Variants in RSPO2 observed in about 807,000 individuals in gnomAD.
RSPO2 encodes R-spondin-2.
In RSPO2, 14 loss-of-function variants were observed where a neutral mutation model predicts 30.9. The observed-to-expected ratio is 0.45, with a 90% confidence interval of 0.30 to 0.71. The LOEUF (loss-of-function observed/expected upper bound fraction) is 0.71, where lower values mean the gene tolerates loss of function less well. RSPO2 is among the 30% of genes least tolerant of loss of function. The probability of loss-of-function intolerance (pLI) is 0.08; values close to 1 mark genes in which losing one functional copy is unlikely to be tolerated. For missense variants in RSPO2, 264 were observed against 301.9 expected (o/e 0.87, Z 0.93); for synonymous variants, 107 against 96.4 (o/e 1.11, Z -0.64).
intron 5 of RSPO2, among the ~76,000 whole-genome samples, chr8:107,903,709 T>C (rs1341595783): frequency 2.0e-5 from 3 of 152,098 alleles, no homozygotes; most frequent in African/African-American, 7.2e-5. Flanking sequence ...TTGGGGGCCC[T>C]AATTACAACC....
intron 5 of RSPO2, among the ~76,000 whole-genome samples, chr8:107,902,390 A>G (rs2130240947): frequency 6.6e-6 from 1 of 152,276 alleles, no homozygotes; most frequent in Admixed American, 6.5e-5. Context: ...CGAATAGGGA[A>G]CAGGACATTC....
chr8:108,018,809 T>C (rs1810971926), intron 2 of RSPO2, among the ~76,000 whole-genome samples: 1 of 152,224 alleles, frequency 6.6e-6, no homozygotes, highest in African/African-American at 2.4e-5. Flanking sequence ...GTACTCCGAA[T>C]TTCATATCTT....
intron 2 of RSPO2, among the ~76,000 whole-genome samples, chr8:108,037,064 T>G (rs1450595487): frequency 1.3e-5 from 2 of 152,182 alleles, no homozygotes; most frequent in Non-Finnish European, 2.9e-5. Flanking sequence ...TACAGTGGCC[T>G]CTAAGTATTC....
intron 5 of RSPO2, among the ~76,000 whole-genome samples, chr8:107,903,028 AATG>A (rs1382094695): frequency 6.6e-6 from 1 of 152,118 alleles, no homozygotes; most frequent in Non-Finnish European, 1.5e-5. Flanking sequence ...CATTATCTCT[AATG>A]ATGAGACACA....
intron 3 of RSPO2, among the ~76,000 whole-genome samples, chr8:107,978,157 G>A (rs929868966): frequency 6.6e-6 from 1 of 152,170 alleles, no homozygotes; most frequent in African/African-American, 2.4e-5. Flanking sequence ...GCTGGGCATG[G>A]TAGCACATGC....
intron 2 of RSPO2, among the ~76,000 whole-genome samples, chr8:108,064,355 G>T (rs552970819): frequency 1.3e-5 from 2 of 152,262 alleles, no homozygotes; most frequent in African/African-American, 4.8e-5. Flanking sequence ...ATCCAAAAGT[G>T]GGCAAAGGAT....
chr8:108,002,199 T>C (rs554199233), intron 2 of RSPO2, among the ~76,000 whole-genome samples: 2 of 152,196 alleles, frequency 1.3e-5, no homozygotes, highest in Admixed American at 6.5e-5. Flanking sequence ...CTGGTGCTAA[T>C]GGTAACCCCA....
At chr8:108,026,643 G>A (rs1811228126) in intron 2 of RSPO2, among the ~76,000 whole-genome samples, 1 of 152,152 alleles carries the variant, frequency 6.6e-6, no homozygotes, top group Non-Finnish European at 1.5e-5. Flanking sequence ...GAGGCAGGTG[G>A]ATCACTTGAG....
chr8:107,937,895 G>C (rs1044481305), intron 5 of RSPO2, among the ~76,000 whole-genome samples: 1 of 152,040 alleles, frequency 6.6e-6, no homozygotes, highest in Admixed American at 6.6e-5. Context: ...CAGCAGACCA[G>C]TTATGAAAAT....
At chr8:108,034,485 G>T (rs1247892820) in intron 2 of RSPO2, among the ~76,000 whole-genome samples, 1 of 152,192 alleles carries the variant, frequency 6.6e-6, no homozygotes, top group African/African-American at 2.4e-5. Context: ...TGATATCAGA[G>T]ATTTGCTTTA....
At position 108,082,727 on chromosome 8, in the gene RSPO2, G is replaced by A; in HGVS notation, c.-89C>T. Reference sequence around the variant, plus strand: ...AGCCGGCGCCGGCCGCGCTGCTGGGGAGGACTCAGAGGGAGACTCGCCACT... The same window carrying A: ...AGCCGGCGCCGGCCGCGCTGCTGGGAAGGACTCAGAGGGAGACTCGCCACT... On this transcript the variant is annotated 5_prime_UTR_variant, in exon 2 of 6. Transcript: ENST00000276659. The A allele has an allele frequency of 3.8e-6, 4 of 1,045,498 alleles. No homozygotes were observed. The East Asian group carries it at 7.2e-5, about 19-fold the overall frequency. The allele number at this position is 1,045,498 out of a possible 1,614,324, so 64.8% of individuals were successfully genotyped here.
intron 5 of RSPO2, among the ~76,000 whole-genome samples, chr8:107,950,830 T>C (rs1351311409): frequency 6.6e-6 from 1 of 152,034 alleles, no homozygotes; most frequent in East Asian, 1.9e-4. Flanking sequence ...TATGATGACA[T>C]GAATCATGCT....
At chr8:108,077,588 C>G (rs567710833) in intron 2 of RSPO2, among the ~76,000 whole-genome samples, 1 of 149,806 alleles carries the variant, frequency 6.7e-6, no homozygotes, top group East Asian at 2.0e-4. Context: ...TCTGAAATCC[C>G]GATCCTCCAT....
intron 5 of RSPO2, among the ~76,000 whole-genome samples, chr8:107,946,093 G>A (rs1192822075): frequency 1.3e-5 from 2 of 152,218 alleles, no homozygotes; most frequent in Non-Finnish European, 2.9e-5. Context: ...GCACTGAGAT[G>A]TAAGACTGGG....
chr8:108,007,320 C>T (rs1241352547), intron 2 of RSPO2, among the ~76,000 whole-genome samples: 1 of 152,116 alleles, frequency 6.6e-6, no homozygotes, highest in Non-Finnish European at 1.5e-5. Flanking sequence ...AATGTAATAA[C>T]TTAATTCAGA....
chr8:107,953,236 A>C (rs941285049), intron 5 of RSPO2, among the ~76,000 whole-genome samples: 3 of 152,202 alleles, frequency 2.0e-5, no homozygotes, highest in African/African-American at 7.2e-5. Context: ...GCAATGGTCA[A>C]AGATGAATGT....
intron 2 of RSPO2, among the ~76,000 whole-genome samples, chr8:108,021,631 G>A (rs1811061365): frequency 1.3e-5 from 2 of 152,122 alleles, no homozygotes. Context: ...TAAAAGGTGA[G>A]GACTTAACCC....
chr8:108,020,194 C>T (rs768555010), intron 2 of RSPO2, among the ~76,000 whole-genome samples: 2 of 152,112 alleles, frequency 1.3e-5, no homozygotes, highest in African/African-American at 4.8e-5. Context: ...AGTCTCACCC[C>T]CTCACCACAG....
chr8:108,064,578 C>T (rs1405772350), intron 2 of RSPO2, among the ~76,000 whole-genome samples: 2 of 152,294 alleles, frequency 1.3e-5, no homozygotes, highest in East Asian at 1.9e-4. Context: ...GTTGGTGGGA[C>T]TGTAAACTAG....
Sources: allele counts gnomAD v4.1 joint callset (sites outside exome capture counted in the v4.1 genomes callset), GRCh38; gene constraint gnomAD v4.1.1; transcripts MANE v1.5; gene names NCBI Gene and HGNC (gene_info 2026-07-23, HGNC 2026-07-21).